The following CFAP54 variants were observed in gnomAD, a reference collection of about 807,000 sequenced individuals.
CFAP54 encodes cilia and flagella associated protein 54.
In CFAP54, 290 loss-of-function variants were observed where a neutral mutation model predicts 370.4. That is an observed-to-expected ratio of 0.78 (90% CI 0.71 to 0.86). The LOEUF is 0.86. Among genes scored for constraint, CFAP54 ranks in the 40% least tolerant of loss-of-function variants. The probability of loss-of-function intolerance (pLI) is 0.00; values close to 1 mark genes in which losing one functional copy is unlikely to be tolerated. For synonymous variants in CFAP54, 1,206 were observed against 1,236.5 expected, an observed-to-expected ratio of 0.98 and a Z score of 0.52; for missense variants, 3,399 against 3,528.7, an observed-to-expected ratio of 0.96 and a Z score of 0.93.
At chr12:96,844,950 G>A (rs939287424) in intron 66 of CFAP54, among the ~76,000 whole-genome samples, 10 of 152,178 alleles carry the variant, frequency 6.6e-5, no homozygotes, top group African/African-American at 2.4e-4. Flanking sequence ...ACTTTTGGAA[G>A]TGTTATGGAA....
At chr12:96,795,913 G>A (rs1433669344) in intron 63 of CFAP54, among the ~76,000 whole-genome samples, 3 of 152,096 alleles carry the variant, frequency 2.0e-5, no homozygotes, top group East Asian at 1.9e-4. Context: ...GGATCCCTGC[G>A]AGATCAAGTT....
chr12:96,868,124 C>T (rs913485217), intron 67 of CFAP54, among the ~76,000 whole-genome samples: 3 of 152,106 alleles, frequency 2.0e-5, no homozygotes, highest in Admixed American at 1.3e-4. Context: ...GGAACCTGTC[C>T]GTACCACTTC....
chr12:96,758,778 A>G (rs1430610570), intron 58 of CFAP54, among the ~76,000 whole-genome samples: 1 of 152,066 alleles, frequency 6.6e-6, no homozygotes, highest in Non-Finnish European at 1.5e-5. Context: ...ATGTGGAAAC[A>G]CCTCTGAAAA....
At chr12:96,585,033 C>T (rs1391983111) in intron 22 of CFAP54, among the ~76,000 whole-genome samples, 2 of 74,834 alleles carry the variant, frequency 2.7e-5, no homozygotes, top group African/African-American at 9.9e-5. Context: ...TGATCTCTCT[C>T]TCTCTCTTTT....
chr12:96,543,262 G>A (rs1302449843), intron 14 of CFAP54, among the ~76,000 whole-genome samples: 2 of 152,280 alleles, frequency 1.3e-5, no homozygotes, highest in Middle Eastern at 3.4e-3. Context: ...AGTTTATTTG[G>A]GACCTTATCC....
At chr12:96,553,708 T>TA (rs1218255357) in intron 15 of CFAP54, among the ~76,000 whole-genome samples, 1 of 151,708 alleles carries the variant, frequency 6.6e-6, no homozygotes. Context: ...TGAGAATGAT[T>TA]ACATTAAAAA....
chr12:96,845,600 CCCATGGGG>C (rs1189040344), intron 66 of CFAP54, among the ~76,000 whole-genome samples: 2 of 152,220 alleles, frequency 1.3e-5, no homozygotes, highest in Non-Finnish European at 2.9e-5. Flanking sequence ...TCAAAATTCC[CCCATGGGG>C]TTGGCAGAGC....
intron 62 of CFAP54, among the ~76,000 whole-genome samples, chr12:96,788,892 T>G (rs752955829): frequency 6.6e-6 from 1 of 152,244 alleles, no homozygotes; most frequent in African/African-American, 2.4e-5. Flanking sequence ...TCCTAGATAC[T>G]GGGATATTGT....
chr12:96,826,562 AAT>A (rs35592607), intron 65 of CFAP54, among the ~76,000 whole-genome samples: 36,812 of 105,190 alleles, frequency 0.35, 6,844 homozygotes, highest in Middle Eastern at 0.46. Context: ...TATAATATAT[AAT>A]ATATAATATA....
intron 1 of CFAP54, among the ~76,000 whole-genome samples, chr12:96,498,006 A>G (rs957167999): frequency 6.6e-6 from 1 of 152,220 alleles, no homozygotes; most frequent in Admixed American, 6.5e-5. Context: ...GAGATCCAAG[A>G]GCCCTCTCTT....
rs1565931562 is a variant in CFAP54, at chr12:96,658,206, T to C, written c.5325-5T>C. On this transcript the variant is annotated splice_polypyrimidine_tract_variant and splice_region_variant and intron_variant, in intron 37 of 67. Transcript: ENST00000524981. ...CTTTTTAATGTATTCTTTACCCCTGTCTAGTGAGAGGTATACAGAACAAGT... is the reference window on the plus strand; with the variant it reads ...CTTTTTAATGTATTCTTTACCCCTGCCTAGTGAGAGGTATACAGAACAAGT... 6.2e-7 allele frequency: 1 copy of C among 1,611,036 alleles called. No individual in the cohort carries two copies. Among genetic ancestry groups the C allele is most frequent in the South Asian group, 1.1e-5 (1 of 90,102 alleles).
At position 96,527,312 on chromosome 12, in the gene CFAP54, T is replaced by G; in HGVS notation, c.1225T>G (p.Phe409Val). The change falls in exon 9 of 68, where the codon TTT becomes GTT. Residue 409 changes from phenylalanine to valine, a missense_variant. Physicochemically the swap from Phe to Val is conservative, Grantham distance 50. Around this residue, in one of 3 missense-constraint regions of CFAP54, gnomAD observed 559 missense variants for 576.7 expected, o/e 0.97. Transcript: ENST00000524981. ...GATGTTTGATAGCACTGCATCCCAG[T>G]TTCTGGCTGTCTTGGAAGCTCTTTC... Reference protein sequence around the residue: ...DEMFDSTASQFLAVLEALSDS... With the variant: ...DEMFDSTASQVLAVLEALSDS... The G allele has an allele frequency of 6.5e-7, 1 of 1,535,830 alleles. No individual in the cohort carries two copies. Among genetic ancestry groups the G allele is most frequent in the Non-Finnish European group, 8.7e-7 (1 of 1,146,688 alleles).
At chr12:96,501,474 G>T (rs1955026231) in intron 2 of CFAP54, among the ~76,000 whole-genome samples, 1 of 152,208 alleles carries the variant, frequency 6.6e-6, no homozygotes, top group Non-Finnish European at 1.5e-5. Context: ...TCCAGAATGA[G>T]TTTGTGTCCT....
intron 27 of CFAP54, among the ~76,000 whole-genome samples, chr12:96,622,294 A>G (rs1019261486): frequency 4.0e-5 from 6 of 151,678 alleles, no homozygotes; most frequent in African/African-American, 7.3e-5. Flanking sequence ...CAAGTTTTGA[A>G]ATGTTACTTA....
intron 39 of CFAP54, among the ~76,000 whole-genome samples, chr12:96,669,529 A>G (rs1957120491): frequency 6.6e-6 from 1 of 152,156 alleles, no homozygotes; most frequent in African/African-American, 2.4e-5. Flanking sequence ...GATGTGAAGG[A>G]GAGACAGAGG....
At chr12:96,491,363 G>T (rs923820041) in intron 1 of CFAP54, among the ~76,000 whole-genome samples, 6 of 152,198 alleles carry the variant, frequency 3.9e-5, no homozygotes, top group Non-Finnish European at 8.8e-5. Context: ...AAATTGAGAT[G>T]TGATTCAGCA....
chr12:96,684,881 T>C, intron 41 of CFAP54, 146 bp downstream of exon 41: 1 of 959,744 alleles, frequency 1.0e-6, no homozygotes, highest in Non-Finnish European at 1.6e-6. Context: ...AAATGCTACC[T>C]GAGAGAAACC....
chr12:96,762,408 C>A (rs1958349469), intron 58 of CFAP54, among the ~76,000 whole-genome samples: 1 of 152,212 alleles, frequency 6.6e-6, no homozygotes, highest in Admixed American at 6.5e-5. Flanking sequence ...GCATTCCACA[C>A]CCCTTGCCCG....
In CFAP54 at chr12:96,592,630, C is replaced by G. The variant is rs1373611080; in HGVS notation, c.3353C>G (p.Ser1118Cys). The G allele has an allele frequency of 1.7e-6, 2 of 1,151,872 alleles. No homozygotes were observed. Among genetic ancestry groups the G allele is most frequent in the Non-Finnish European group, 2.3e-6 (2 of 863,962 alleles). The allele number at this position is 1,151,872 out of a possible 1,614,324, so 71.4% of individuals were successfully genotyped here. A position where few individuals can be genotyped will look rare whatever the true frequency, so the allele number is the denominator to read the frequency against. Residue 1118 changes from serine (S) to cysteine (C), a missense_variant, in exon 24 of 68, where the codon TCT becomes TGT. Physicochemically the swap from Ser to Cys is moderately radical, Grantham distance 112. This residue lies in a region of CFAP54 where 2,796 missense variants were observed against 2,869.7 expected (regional missense o/e 0.97). Transcript: ENST00000524981. The stretch of plus-strand genomic sequence containing the variant: ...ATTAAAGGCAATGAGATTTTCCCAT[C>G]TCAACAAGTAAGTGAATTAAAGTGA... Reference protein sequence around the residue: ...DNIKGNEIFPSQQIARLIECE... With the variant: ...DNIKGNEIFPCQQIARLIECE...
Sources: gnomAD v4.1 joint callset for allele counts (sites outside exome capture counted in the v4.1 genomes callset) on GRCh38, gnomAD v4.1.1 for gene constraint, gnomAD v4.1.1 regional missense constraint, MANE v1.5 for transcripts, NCBI Gene and HGNC (gene_info 2026-07-23, HGNC 2026-07-21) for gene names.